The following SLIT3 variants were observed in gnomAD, a reference collection of about 807,000 sequenced individuals.
The protein encoded by SLIT3 is slit homolog 3 protein.
Under a neutral mutation model 184.0 loss-of-function variants are expected in SLIT3, and 68 were observed. The observed-to-expected ratio is 0.37, with a 90% CI of 0.30 to 0.45. The LOEUF is 0.45. SLIT3 is among the 20% of genes least tolerant of loss of function. SLIT3 has a pLI of 1.00. For missense variants in SLIT3, 1,707 were observed against 2,026.0 expected (o/e 0.84, Z 3.02); for synonymous variants, 831 against 828.6 (o/e 1.00, Z -0.05).
At chr5:169,088,362 G>C (rs1406871095) in intron 4 of SLIT3, among the ~76,000 whole-genome samples, 5 of 151,282 alleles carry the variant, frequency 3.3e-5, no homozygotes, top group African/African-American at 1.2e-4. Flanking sequence ...GATCCGTACT[G>C]CCTCCTACTC....
intron 4 of SLIT3, among the ~76,000 whole-genome samples, chr5:169,047,702 G>T (rs1757673279): frequency 6.6e-6 from 1 of 152,072 alleles, no homozygotes; most frequent in African/African-American, 2.4e-5. Context: ...CTTTCATTCT[G>T]GGGGCCTTCA....
At position 168,685,900 on chromosome 5, in the gene SLIT3, G is replaced by A. The variant is rs934151216; in HGVS notation, c.3342C>T (p.Pro1114=). The A allele has an allele frequency of 3.3e-5, 54 of 1,612,652 alleles. No individual in the cohort carries two copies. The highest frequency in any genetic ancestry group is 4.6e-5 in the Non-Finnish European group (54 of 1,179,574). The change falls in exon 31 of 36, where the codon CCC becomes CCT. Residue 1114 remains proline, a synonymous_variant. Transcript: ENST00000519560. ...ATGGGCTGGTCTGCAGTAGGACCAT[G>A]GGTGGGGGGTGTTCACAGAAGGGTC... is the stretch of plus-strand genomic sequence containing the variant. ...FSGPFCEHPP[P]MVLLQTSPCD... is the part of the protein sequence containing the mutation.
intron 14 of SLIT3, among the ~76,000 whole-genome samples, chr5:168,766,734 C>T (rs1260449796): frequency 6.6e-6 from 1 of 152,196 alleles, no homozygotes; most frequent in Non-Finnish European, 1.5e-5. Context: ...TCAGAATGCC[C>T]CTCTCTGTAA....
intron 4 of SLIT3, among the ~76,000 whole-genome samples, chr5:168,929,522 G>A (rs2113156198): frequency 6.6e-6 from 1 of 152,288 alleles, no homozygotes; most frequent in South Asian, 2.1e-4. Flanking sequence ...TTCAAACCCA[G>A]GGATGCTCTG....
chr5:169,175,266 C>T (rs145374674), intron 4 of SLIT3, among the ~76,000 whole-genome samples: 4 of 152,304 alleles, frequency 2.6e-5, no homozygotes, highest in Admixed American at 6.5e-5. Context: ...TATCCATTTA[C>T]ACAGTGAATA....
chr5:169,008,595 G>A (rs762395788), intron 4 of SLIT3, among the ~76,000 whole-genome samples: 2 of 152,148 alleles, frequency 1.3e-5, no homozygotes, highest in Non-Finnish European at 2.9e-5. Flanking sequence ...TTGTGAGTCT[G>A]GATGAGCCAC....
intron 8 of SLIT3, among the ~76,000 whole-genome samples, chr5:168,814,660 G>T (rs1244695228): frequency 6.6e-6 from 1 of 152,224 alleles, no homozygotes; most frequent in East Asian, 1.9e-4. Context: ...TCAAGGTTTT[G>T]TCATTGTCTC....
intron 32 of SLIT3, 112 bp downstream of exon 32, chr5:168,683,854 G>T: frequency 1.0e-6 from 1 of 1,004,654 alleles, no homozygotes; most frequent in Non-Finnish European, 1.4e-6. Context: ...CGTGGTAGGG[G>T]CGGGGAGAAG....
chr5:169,209,993 C>T (rs1188053309), intron 3 of SLIT3, among the ~76,000 whole-genome samples: 1 of 152,070 alleles, frequency 6.6e-6, no homozygotes, highest in Non-Finnish European at 1.5e-5. Context: ...TATTCTGCAT[C>T]ATACTCTGAG....
chr5:168,883,419 C>G (rs995451522), intron 4 of SLIT3, 83 bp from the exon 5 acceptor site: 3 of 1,080,808 alleles, frequency 2.8e-6, no homozygotes, highest in Non-Finnish European at 4.2e-6. Context: ...ACAATCCCCC[C>G]CACCCAGGCT....
chr5:168,747,137 C>T (rs552930060), intron 20 of SLIT3, among the ~76,000 whole-genome samples: 21 of 152,228 alleles, frequency 1.4e-4, no homozygotes, highest in African/African-American at 5.1e-4. Flanking sequence ...AGAGCACTGC[C>T]TCCTCCCTCC....
chr5:168,692,692 A>G lies in SLIT3; in HGVS notation c.3091T>C (p.Cys1031Arg). 1 of 1,613,798 alleles carries G rather than the reference A, an allele frequency of 6.2e-7. No individual in the cohort carries two copies. Among genetic ancestry groups the G allele is most frequent in the South Asian group, 1.1e-5 (1 of 91,050 alleles). Residue 1031 changes from cysteine to arginine, a missense_variant, in exon 29 of 36, where the codon TGC becomes CGC. By Grantham distance (180) the Cys-to-Arg change is radical. Coordinates refer to ENST00000519560, the MANE Select transcript of SLIT3 (RefSeq NM_003062.4). ...ACACAGTGGTCAATCACCTCGTCGC[A>G]TAGCTCACCTGGCACAGATGGGGGA... ...ICPPNYTGEL[C>R]DEVIDHCVPE...
intron 4 of SLIT3, among the ~76,000 whole-genome samples, chr5:168,969,033 A>G (rs1056254659): frequency 6.6e-6 from 1 of 152,160 alleles, no homozygotes; most frequent in African/African-American, 2.4e-5. Flanking sequence ...TTGTTCAGAA[A>G]AAATTCCAGA....
At chr5:168,945,330 C>T (rs989655078) in intron 4 of SLIT3, among the ~76,000 whole-genome samples, 2 of 152,092 alleles carry the variant, frequency 1.3e-5, no homozygotes, top group African/African-American at 2.4e-5. Context: ...CTCCACCTCC[C>T]AGGTTCAAGT....
At chr5:168,945,427 A>G (rs1762443544) in intron 4 of SLIT3, among the ~76,000 whole-genome samples, 1 of 152,026 alleles carries the variant, frequency 6.6e-6, no homozygotes, top group Admixed American at 6.6e-5. Flanking sequence ...TAGTAGAGAC[A>G]GGGTTTCACC....
intron 5 of SLIT3, among the ~76,000 whole-genome samples, chr5:168,854,739 C>T (rs893643981): frequency 6.6e-6 from 1 of 152,180 alleles, no homozygotes; most frequent in Non-Finnish European, 1.5e-5. Flanking sequence ...ATACAAGCCA[C>T]GGGAACCAAA....
chr5:168,794,892 A>G (rs1316047977), intron 10 of SLIT3, among the ~76,000 whole-genome samples: 1 of 152,136 alleles, frequency 6.6e-6, no homozygotes, highest in African/African-American at 2.4e-5. Flanking sequence ...CCACCTGCAC[A>G]TAGAGACCTT....
chr5:169,026,689 C>T (rs74826719), intron 4 of SLIT3: 1 of 152,096 alleles, frequency 6.6e-6, no homozygotes, highest in South Asian at 2.1e-4. Context: ...AGGCTATATA[C>T]TGAAATGTTA....
intron 4 of SLIT3, among the ~76,000 whole-genome samples, chr5:169,104,689 G>A (rs190416570): frequency 8.2e-4 from 125 of 152,194 alleles, no homozygotes; most frequent in African/African-American, 2.7e-3. Context: ...TTTTGGAGAG[G>A]GGCGCTTCGT....
Sources: gnomAD v4.1 joint callset for allele counts (sites outside exome capture counted in the v4.1 genomes callset) on GRCh38, gnomAD v4.1.1 for gene constraint, MANE v1.5 for transcripts, NCBI Gene and HGNC (gene_info 2026-07-23, HGNC 2026-07-21) for gene names.